FAM193A: variants seen among roughly 807,000 people sequenced by gnomAD.
The protein encoded by FAM193A is family with sequence similarity 193 member A, also known as protein FAM193A.
A neutral mutation model predicts 126.5 loss-of-function variants in FAM193A; 22 were observed. That is an observed-to-expected ratio of 0.17 (90% CI 0.12 to 0.25). The LOEUF (loss-of-function observed/expected upper bound fraction) is 0.25. FAM193A is among the 10% of genes least tolerant of loss of function. The pLI is 1.00. For synonymous variants in FAM193A, 761 were observed against 646.8 expected, an observed-to-expected ratio of 1.18 and a Z score of -2.68; for missense variants, 1,675 against 1,672.8, an observed-to-expected ratio of 1.00 and a Z score of -0.02.
At chr4:2,697,633 C>T (rs771276808) in intron 18 of FAM193A, among the ~76,000 whole-genome samples, 1 of 152,190 alleles carries the variant, frequency 6.6e-6, no homozygotes, top group Non-Finnish European at 1.5e-5. Context: ...AGGGTGGGCC[C>T]GATGTCCTGT....
chr4:2,688,226 C>G (rs1715966810), intron 13 of FAM193A, among the ~76,000 whole-genome samples: 1 of 152,090 alleles, frequency 6.6e-6, no homozygotes, highest in Admixed American at 6.5e-5. Flanking sequence ...TGGGGAAAGG[C>G]AGACATCAAA....
intron 2 of FAM193A, among the ~76,000 whole-genome samples, chr4:2,622,885 G>T (rs984671219): frequency 6.6e-6 from 1 of 152,082 alleles, no homozygotes; most frequent in Non-Finnish European, 1.5e-5. Context: ...ACTTATGAAC[G>T]GGGGCGGGCG....
chr4:2,616,038 C>G (rs1162844425), intron 2 of FAM193A, among the ~76,000 whole-genome samples: 1 of 152,078 alleles, frequency 6.6e-6, no homozygotes, highest in East Asian at 1.9e-4. Flanking sequence ...TGAGCTTGCG[C>G]AATCCGCCCG....
chr4:2,545,767 A>G (rs1272703444), intron 1 of FAM193A, among the ~76,000 whole-genome samples: 1 of 152,144 alleles, frequency 6.6e-6, no homozygotes, highest in African/African-American at 2.4e-5. Context: ...TTGTAGCCTC[A>G]GCCTGTCCTG....
At chr4:2,622,906 C>T (rs1165751467) in intron 2 of FAM193A, among the ~76,000 whole-genome samples, 1 of 152,150 alleles carries the variant, frequency 6.6e-6, no homozygotes, top group Non-Finnish European at 1.5e-5. Context: ...GGGGCACAAA[C>T]ATTCAGAACA....
intron 13 of FAM193A, among the ~76,000 whole-genome samples, chr4:2,677,658 T>C (rs1714572149): frequency 1.3e-5 from 2 of 151,640 alleles, no homozygotes; most frequent in Admixed American, 6.6e-5. Flanking sequence ...GGAGAATCAC[T>C]TGAACCCGGG....
chr4:2,646,792 T>C lies in FAM193A; in HGVS notation c.1271T>C (p.Leu424Pro). The C allele has an allele frequency of 1.2e-6, 2 of 1,613,924 alleles. No homozygotes were observed. Among genetic ancestry groups the C allele is most frequent in the Non-Finnish European group, 1.7e-6 (2 of 1,179,914 alleles). ...EELRRVAEEW[L>P]ECQKRIDAYV... ...CTGCGCAGAGTCGCCGAGGAGTGGC[T>C]GGAGTGCCAGAAGAGGATCGACGCC... Residue 424 changes from leucine to proline, a missense_variant, in exon 7 of 21, where the codon CTG (leucine) becomes CCG (proline). Physicochemically the swap from Leu to Pro is moderately conservative, Grantham distance 98 (BLOSUM62 -3). Coordinates refer to ENST00000637812, the MANE Select transcript of FAM193A (RefSeq NM_001366318.2).
At chr4:2,682,102 A>G (rs1715211803) in intron 13 of FAM193A, among the ~76,000 whole-genome samples, 2 of 149,592 alleles carry the variant, frequency 1.3e-5, no homozygotes, top group Admixed American at 1.3e-4. Flanking sequence ...CTCCTGCCTC[A>G]GCCTCCCAAG....
chr4:2,641,559 G>A (rs1744630450), intron 6 of FAM193A, among the ~76,000 whole-genome samples: 1 of 152,128 alleles, frequency 6.6e-6, no homozygotes, highest in African/African-American at 2.4e-5. Context: ...GGAGGCTGAG[G>A]CAGAAGAATG....
At chr4:2,652,453 C>T (rs1331896125) in intron 7 of FAM193A, among the ~76,000 whole-genome samples, 4 of 152,140 alleles carry the variant, frequency 2.6e-5, no homozygotes, top group African/African-American at 9.7e-5. Context: ...TTAATTGGCT[C>T]ACGGTTCTGT....
intron 2 of FAM193A, among the ~76,000 whole-genome samples, chr4:2,600,426 C>T (rs1451410162): frequency 2.0e-5 from 3 of 152,174 alleles, no homozygotes; most frequent in African/African-American, 4.8e-5. Context: ...TTGCTGGCCT[C>T]AGTTTACTGC....
intron 13 of FAM193A, among the ~76,000 whole-genome samples, chr4:2,681,020 T>C (rs966590706): frequency 2.0e-5 from 3 of 152,152 alleles, no homozygotes; most frequent in African/African-American, 7.2e-5. Context: ...GAGATATGCT[T>C]GCTCTGTTGC....
At chr4:2,619,854 C>T (rs1437584187) in intron 2 of FAM193A, among the ~76,000 whole-genome samples, 2 of 152,092 alleles carry the variant, frequency 1.3e-5, no homozygotes, top group East Asian at 1.9e-4. Flanking sequence ...CCATGCCTGG[C>T]TACATTTTGT....
chr4:2,631,227 C>T (rs1313725179), intron 5 of FAM193A, 58 bp downstream of exon 5: 1 of 1,499,628 alleles, frequency 6.7e-7, no homozygotes. Context: ...AAGCATGTGG[C>T]AAGAGGAAGC....
intron 6 of FAM193A, among the ~76,000 whole-genome samples, chr4:2,645,766 A>C (rs1348295712): frequency 1.3e-5 from 2 of 152,138 alleles, no homozygotes; most frequent in South Asian, 2.1e-4. Context: ...ACCTCAGGTG[A>C]TCCCCTCGCC....
intron 1 of FAM193A, among the ~76,000 whole-genome samples, chr4:2,550,505 T>G (rs846092): frequency 1.3e-5 from 2 of 151,632 alleles, no homozygotes; most frequent in Non-Finnish European, 2.9e-5. Flanking sequence ...GGCACGATCT[T>G]GGCTCACTGC....
intron 12 of FAM193A, among the ~76,000 whole-genome samples, chr4:2,664,751 G>A (rs962192878): frequency 2.0e-5 from 3 of 151,790 alleles, no homozygotes; most frequent in Admixed American, 2.0e-4. Flanking sequence ...TTTTAGTAGA[G>A]ACGGGGTTTC....
rs1370595811 is a variant in FAM193A, at chr4:2,689,462, A to G, written c.2332-44A>G. On this transcript the variant is annotated intron_variant, in intron 13 of 20. Coordinates refer to ENST00000637812, the MANE Select transcript of FAM193A (RefSeq NM_001366318.2). ...AGTTTAACTACTTACCTAGGTAAACAGAATATTAATTTTGATATGTGATTA... is the reference window on the plus strand; with the variant it reads ...AGTTTAACTACTTACCTAGGTAAACGGAATATTAATTTTGATATGTGATTA... 2.8e-6 allele frequency: 4 copies of G among 1,420,566 alleles called. No individual in the cohort carries two copies. The African/African-American group carries it at 4.4e-5, about 16-fold the overall frequency. 88.0% of individuals were successfully genotyped at this position (1,420,566 alleles called of 1,614,324 possible). A position where few individuals can be genotyped will look rare whatever the true frequency, so the allele number is the denominator to read the frequency against.
Position 2,646,751 on chromosome 4 carries a change from G to C in FAM193A, c.1230G>C (p.Gln410His). ...ACAGTACCTTGCTGCAGAGGTACCA[G>C]CGTTCCGAGGAGGAGCTGCGCAGAG... ...DTYSTLLQRYQRSEEELRRVA... is the reference protein window; with the variant it reads ...DTYSTLLQRYHRSEEELRRVA... Residue 410 changes from glutamine to histidine, a missense_variant, in exon 7 of 21, where the codon CAG (glutamine) becomes CAC (histidine). By Grantham distance (24) the Gln-to-His change is conservative (BLOSUM62 0). Transcript: ENST00000637812. 6.2e-7 allele frequency: 1 copy of C among 1,614,150 alleles called. No homozygotes were observed. Among genetic ancestry groups the C allele is most frequent in the Non-Finnish European group, 8.5e-7 (1 of 1,179,994 alleles).
Sources: allele counts gnomAD v4.1 joint callset (sites outside exome capture counted in the v4.1 genomes callset), GRCh38; gene constraint gnomAD v4.1.1; transcripts MANE v1.5; gene names NCBI Gene and HGNC (gene_info 2026-07-23, HGNC 2026-07-21).